SPTAN1: variants seen among roughly 807,000 people sequenced by gnomAD.
SPTAN1 encodes the protein spectrin alpha, non-erythrocytic 1, also known as spectrin alpha chain, non-erythrocytic 1.
In SPTAN1, 61 loss-of-function variants were observed where a neutral mutation model predicts 331.3. The ratio of observed to expected loss-of-function variants is 0.18; its 90% CI spans 0.15 to 0.23. The LOEUF (loss-of-function observed/expected upper bound fraction) is 0.23, where lower values mean the gene tolerates loss of function less well. Ranked by LOEUF, SPTAN1 falls within the 10% of genes least tolerant of loss-of-function variation. SPTAN1 has a pLI of 1.00. For missense variants in SPTAN1, 2,043 were observed against 3,147.9 expected (o/e 0.65, Z 8.40); for synonymous variants, 1,153 against 1,173.9 (o/e 0.98, Z 0.36).
rs1856650079 is a variant in SPTAN1 at position 128,612,262 on chromosome 9, T to A, written c.5043+16T>A. 1 of 1,613,998 alleles carries A rather than the reference T, an allele frequency of 6.2e-7. No individual in the cohort carries two copies. The highest frequency in any genetic ancestry group is 8.5e-7 in the Non-Finnish European group (1 of 1,179,998). On this transcript the variant is annotated intron_variant, in intron 39 of 56. Transcript: ENST00000372739. ...GCTGTCTGAGGTAACACTGAGTGGT[T>A]CCTCTTCCTACCAGTGGGGGATTTC...
intron 3 of SPTAN1, among the ~76,000 whole-genome samples, chr9:128,570,334 T>A (rs1477841829): frequency 6.0e-3 from 46 of 7,666 alleles, no homozygotes; most frequent in African/African-American, 0.014. Flanking sequence ...ATATATATTT[T>A]TTTTTTTTTT....
intron 24 of SPTAN1, 56 bp downstream of exon 24, chr9:128,594,429 A>ATTTTTTTTTTTT (rs10679469): frequency 7.9e-6 from 6 of 760,178 alleles, no homozygotes; most frequent in Non-Finnish European, 1.2e-5. Context: ...GAGTCTCTTG[A>ATTTTTTTTTTTT]TTTTTTTTTT....
rs1218566738 is a variant in SPTAN1, at chr9:128,629,576, C to A, written c.6708-745C>A. The A allele has an allele frequency of 5.4e-6, 1 of 184,042 alleles. No individual in the cohort carries two copies. The highest frequency in any genetic ancestry group is 1.1e-5 in the Non-Finnish European group (1 of 88,566). The allele number at this position is 184,042 out of a possible 1,614,324, so 11.4% of individuals were successfully genotyped here. On this transcript the variant is annotated intron_variant, in intron 51 of 56. Coordinates refer to ENST00000372739, the MANE Select transcript of SPTAN1 (RefSeq NM_001130438.3). The surrounding 1 kb of genome is among the most constrained non-coding windows in gnomAD (Gnocchi z 4.9). ...ACACGCACCGTGTGATTCGTCCCTG[C>A]ACGTAACCCTAACTCGTTTGTTGTC...
chr9:128,614,245 A>G (rs1207673302), intron 40 of SPTAN1, among the ~76,000 whole-genome samples: 1 of 152,154 alleles, frequency 6.6e-6, no homozygotes, highest in Non-Finnish European at 1.5e-5. Context: ...ATGTGAGCCC[A>G]GGAGTTCAAG....
At chr9:128,620,772 GTTAAACC>G (rs1857748728) in intron 44 of SPTAN1, among the ~76,000 whole-genome samples, 1 of 152,088 alleles carries the variant, frequency 6.6e-6, no homozygotes, top group African/African-American at 2.4e-5. Context: ...ATGTGTTCAA[GTTAAACC>G]TTAAAAATGT....
intron 24 of SPTAN1, among the ~76,000 whole-genome samples, chr9:128,595,373 G>A (rs773332005): frequency 6.6e-6 from 1 of 152,150 alleles, no homozygotes; most frequent in Non-Finnish European, 1.5e-5. Context: ...GCTTCCCAAG[G>A]TGCTGGGATT....
chr9:128,627,577 G>A lies in SPTAN1; in HGVS notation c.6689+79G>A. ...CCTGGGGAGCTTCCAGCCCCAAGGA[G>A]GTGGTGGTGCTTTGTGTAAAACCAG... On this transcript the variant is annotated intron_variant, in intron 50 of 56. Transcript: ENST00000372739. This position sits in a 1 kb window ranked among gnomAD's most constrained non-coding sequence, Gnocchi z 4.9. 2.3e-6 allele frequency: 3 copies of A among 1,329,142 alleles called. No individual in the cohort carries two copies. Among genetic ancestry groups the A allele is most frequent in the Non-Finnish European group, 3.2e-6 (3 of 944,820 alleles). 82.3% of individuals were successfully genotyped at this position (1,329,142 alleles called of 1,614,324 possible).
chr9:128,588,926 C>A lies in SPTAN1; in HGVS notation c.2989C>A (p.Leu997Ile), dbSNP rs770447296. Residue 997 changes from leucine (L) to isoleucine (I), a missense_variant, in exon 21 of 57, where the codon CTC becomes ATC. By Grantham distance (5) the Leu-to-Ile change is conservative. Around this residue, in one of 12 missense-constraint regions of SPTAN1, gnomAD observed 1,038 missense variants for 1,531.5 expected, o/e 0.68. Coordinates refer to ENST00000372739, the MANE Select transcript of SPTAN1 (RefSeq NM_001130438.3). Reference sequence around the variant, plus strand: ...GAAGAAGGGAGATATCCTTACCTTACTCAACAGCACCAACAAGGCAAGGCA... The same window carrying A: ...GAAGAAGGGAGATATCCTTACCTTAATCAACAGCACCAACAAGGCAAGGCA... ...TMKKGDILTL[L>I]NSTNKDWWKV... 6.2e-7 allele frequency: 1 copy of A among 1,614,084 alleles called. No individual in the cohort carries two copies. Among genetic ancestry groups the A allele is most frequent in the South Asian group, 1.1e-5 (1 of 91,066 alleles).
At position 128,632,738 on chromosome 9, in the gene SPTAN1, G is replaced by A; in HGVS notation, c.7160+20G>A. The A allele has an allele frequency of 1.2e-6, 2 of 1,614,012 alleles. No homozygotes were observed. The highest frequency in any genetic ancestry group is 1.7e-4 in the Middle Eastern group (1 of 6,060). The stretch of plus-strand genomic sequence containing the variant: ...GAACAGGTAAATTAATTAAGGCCAG[G>A]TGCTGTGAGCCTCTGCCCGGGGCAC... On this transcript the variant is annotated intron_variant, in intron 55 of 56. Transcript: ENST00000372739.
At chr9:128,603,611 C>A in intron 28 of SPTAN1, 21 bp downstream of exon 28, 1 of 1,614,040 alleles carries the variant, frequency 6.2e-7, no homozygotes, top group Non-Finnish European at 8.5e-7. Flanking sequence ...GTGACCAGCT[C>A]CTCTGATCTC....
intron 1 of SPTAN1, among the ~76,000 whole-genome samples, chr9:128,561,392 G>A (rs1254555937): frequency 3.4e-5 from 5 of 149,044 alleles, no homozygotes; most frequent in South Asian, 2.1e-4. Flanking sequence ...GGCCAGGCGC[G>A]GTGGCTCACG....
chr9:128,579,233 G>C (rs899917939), intron 9 of SPTAN1, among the ~76,000 whole-genome samples: 1 of 152,030 alleles, frequency 6.6e-6, no homozygotes, highest in Non-Finnish European at 1.5e-5. Context: ...TGATTTGGAA[G>C]AAAAAAATTC....
At chr9:128,604,218 TTA>T in intron 28 of SPTAN1, 106 bp from the exon 29 acceptor site, 1 of 1,139,294 alleles carries the variant, frequency 8.8e-7, no homozygotes, top group Non-Finnish European at 1.3e-6. Flanking sequence ...AAACAGGAAA[TTA>T]TATATGCCCT....
chr9:128,558,466 T>G (rs1848911845), intron 1 of SPTAN1, among the ~76,000 whole-genome samples: 1 of 152,230 alleles, frequency 6.6e-6, no homozygotes. Flanking sequence ...GTGAACAGAC[T>G]TGATTGGCAA....
chr9:128,621,136 G>T (rs555321645), intron 44 of SPTAN1, 22 bp from the exon 45 acceptor site: 3 of 1,612,378 alleles, frequency 1.9e-6, no homozygotes, highest in Non-Finnish European at 2.5e-6. Flanking sequence ...TCAATAGTGT[G>T]CCTTGGCTGC....
chr9:128,557,472 C>T lies in SPTAN1; in HGVS notation c.-4+4776C>T, dbSNP rs1321850674. Among the ~76,000 whole-genome samples, 7 of 152,280 alleles carry T rather than the reference C, an allele frequency of 4.6e-5. No individual in the cohort carries two copies. The South Asian group carries it at 8.3e-4, about 18-fold the overall frequency. On this transcript the variant is annotated intron_variant, in intron 1 of 56. Coordinates refer to ENST00000372739, the MANE Select transcript of SPTAN1 (RefSeq NM_001130438.3). Reference sequence around the variant, plus strand: ...ATCTGCAGTCTTTTGTGTTGCTTAACGCAGTGGGATTCCCACCCACTGCCT... The same window carrying T: ...ATCTGCAGTCTTTTGTGTTGCTTAATGCAGTGGGATTCCCACCCACTGCCT...
chr9:128,618,232 C>A, intron 43 of SPTAN1, 124 bp downstream of exon 43: 1 of 1,454,764 alleles, frequency 6.9e-7, no homozygotes, highest in Non-Finnish European at 9.4e-7. Flanking sequence ...CTCACATGTG[C>A]CATAGTCGGT....
chr9:128,557,019 CG>C (rs1475132338), intron 1 of SPTAN1, among the ~76,000 whole-genome samples: 2 of 152,092 alleles, frequency 1.3e-5, no homozygotes, highest in African/African-American at 4.8e-5. Flanking sequence ...TCCTAAGCCA[CG>C]GAAAAAAGAC....
intron 14 of SPTAN1, 91 bp from the exon 15 acceptor site, chr9:128,582,986 A>G: frequency 1.3e-6 from 2 of 1,572,228 alleles, no homozygotes; most frequent in Non-Finnish European, 1.7e-6. Flanking sequence ...TGTTTTATAC[A>G]TTCCTCCATA....
Sources: gnomAD v4.1 joint callset for allele counts (sites outside exome capture counted in the v4.1 genomes callset) on GRCh38, gnomAD v4.1.1 for gene constraint, gnomAD v4.1.1 regional missense constraint, Gnocchi (gnomAD v3.1) non-coding constraint, MANE v1.5 for transcripts, NCBI Gene and HGNC (gene_info 2026-07-23, HGNC 2026-07-21) for gene names.